The following SNCG variants were observed in gnomAD, a reference collection of about 807,000 sequenced individuals.
SNCG encodes synuclein gamma.
In SNCG, 13 loss-of-function variants were observed where a neutral mutation model predicts 16.0. The observed-to-expected ratio is 0.81, with a 90% CI of 0.53 to 1.29. The LOEUF is 1.29. Ranked by LOEUF, SNCG falls within the 50% of genes most tolerant of loss-of-function variation. SNCG has a pLI of 0.00. For synonymous variants in SNCG, 66 were observed against 66.3 expected, an observed-to-expected ratio of 1.00 and a Z score of 0.02; for missense variants, 154 against 168.5, an observed-to-expected ratio of 0.91 and a Z score of 0.48.
chr10:86,959,810 A>C lies in SNCG; in HGVS notation c.163+136A>C. The C allele has an allele frequency of 8.0e-7, 1 of 1,250,378 alleles. No homozygotes were observed. Among genetic ancestry groups the C allele is most frequent in the Non-Finnish European group, 1.1e-6 (1 of 909,970 alleles). The allele number at this position is 1,250,378 out of a possible 1,614,324, so 77.5% of individuals were successfully genotyped here. A position where few individuals can be genotyped will look rare whatever the true frequency, so the allele number is the denominator to read the frequency against. On this transcript the variant is annotated intron_variant, in intron 2 of 4. Transcript: ENST00000372017. This position sits in a 1 kb window ranked among gnomAD's most constrained non-coding sequence, Gnocchi z 4.3. Reference sequence around the variant, plus strand: ...CAAGCCCTACAGACCCCTGCAGACCATGAGGCTAAACTAGGGTGGGCGTCT... The same window carrying C: ...CAAGCCCTACAGACCCCTGCAGACCCTGAGGCTAAACTAGGGTGGGCGTCT...
At chr10:86,956,438 C>T (rs1485572625), upstream of SNCG, among the ~76,000 whole-genome samples, 1 of 152,204 alleles carries the variant, frequency 6.6e-6, no homozygotes, top group African/African-American at 2.4e-5. Flanking sequence ...AAGTTGGCCC[C>T]CCCCTCACTC....
Position 86,960,171 on chromosome 10 carries a change from C to A in SNCG, c.291+43C>A, listed in dbSNP as rs372366456. 5.5e-5 allele frequency: 87 copies of A among 1,573,776 alleles called. 1 individual carries two copies. Among genetic ancestry groups the A allele is most frequent in the Admixed American group, 1.0e-4 (6 of 58,252 alleles). On this transcript the variant is annotated intron_variant, in intron 3 of 4. Coordinates refer to ENST00000372017, the MANE Select transcript of SNCG (RefSeq NM_003087.3). ...GACCTGCCCAGTCCTCTCCTGGGCC[C>A]AGAAAGGCTGCTGGGCGGAGGCGGC...
In SNCG at chr10:86,959,351, G is replaced by T; in HGVS notation, c.122-282G>T. On this transcript the variant is annotated intron_variant, in intron 1 of 4. Transcript: ENST00000372017. This position sits in a 1 kb window ranked among gnomAD's most constrained non-coding sequence, Gnocchi z 4.3. ...ATCCTGTCCTGTTGCTGCTTCTGAG[G>T]CCCGGCCACACCCGGGCAGGGGCTG... 1.8e-6 allele frequency: 1 copy of T among 558,596 alleles called. No individual in the cohort carries two copies. 34.6% of individuals were successfully genotyped at this position (558,596 alleles called of 1,614,324 possible).
intron 3 of SNCG, among the ~76,000 whole-genome samples, chr10:86,962,103 A>T (rs941414292): frequency 1.3e-5 from 2 of 152,196 alleles, no homozygotes; most frequent in African/African-American, 4.8e-5. Context: ...TGTGGACTGA[A>T]GTGGGCCTGA....
intron 1 of SNCG, 68 bp downstream of exon 1, chr10:86,958,886 GACC>G: frequency 6.6e-7 from 1 of 1,513,466 alleles, no homozygotes; most frequent in Non-Finnish European, 9.0e-7. Flanking sequence ...ACCTTCGCCA[GACC>G]TTACTCCCCA....
intron 3 of SNCG, 108 bp from the exon 4 acceptor site, chr10:86,962,496 G>GGGTACAACAA (rs1844371026): frequency 1.4e-6 from 1 of 711,564 alleles, no homozygotes; most frequent in Non-Finnish European, 2.4e-6. Context: ...AGGCCACGAG[G>GGGTACAACAA]GGCCTCTGCT....
Position 86,959,600 on chromosome 10 carries a change from A to G in SNCG, c.122-33A>G, listed in dbSNP as rs2133694692. 6.2e-7 allele frequency: 1 copy of G among 1,608,650 alleles called. No homozygotes were observed. The highest frequency in any genetic ancestry group is 8.5e-7 in the Non-Finnish European group (1 of 1,175,942). On this transcript the variant is annotated intron_variant, in intron 1 of 4. Transcript: ENST00000372017. The surrounding 1 kb of genome is among the most constrained non-coding windows in gnomAD (Gnocchi z 4.3). ...CTGACCGCCCCCAACACCTCGAGGG[A>G]GGTCTGGGCTGACAGCTCCATTTCC...
Position 86,958,770 on chromosome 10 carries a change from G to A in SNCG, c.73G>A (p.Gly25Arg), listed in dbSNP as rs1265018278. 6.2e-7 allele frequency: 1 copy of A among 1,613,616 alleles called. No individual in the cohort carries two copies. The highest frequency in any genetic ancestry group is 1.7e-5 in the Admixed American group (1 of 59,972). ...VVGAVEKTKQGVTEAAEKTKE... is the reference protein window; with the variant it reads ...VVGAVEKTKQRVTEAAEKTKE... ...GGGTGCGGTGGAAAAGACCAAGCAG[G>A]GGGTGACGGAAGCAGCTGAGAAGAC... Residue 25 changes from glycine (G) to arginine (R), a missense_variant, in exon 1 of 5, where the codon GGG (glycine) becomes AGG (arginine). Transcript: ENST00000372017.
chr10:86,960,802 G>T (rs191100782), intron 3 of SNCG, among the ~76,000 whole-genome samples: 6 of 152,318 alleles, frequency 3.9e-5, no homozygotes, highest in African/African-American at 1.2e-4. Flanking sequence ...GTGTTGGCTG[G>T]GTGAGCTGTC....
upstream of SNCG, chr10:86,958,492 C>A (rs1252555162): frequency 2.3e-5 from 30 of 1,276,728 alleles, no homozygotes; most frequent in Admixed American, 3.3e-5. Context: ...GAGGCTGAAC[C>A]TCCTTCCCTC....
At position 86,959,602 on chromosome 10, in the gene SNCG, G is replaced by A. The variant is rs1844304247; in HGVS notation, c.122-31G>A. 1.2e-6 allele frequency: 2 copies of A among 1,612,150 alleles called. No individual in the cohort carries two copies. The highest frequency in any genetic ancestry group is 1.1e-5 in the South Asian group (1 of 91,010). ...GACCGCCCCCAACACCTCGAGGGAG[G>A]TCTGGGCTGACAGCTCCATTTCCTC... On this transcript the variant is annotated intron_variant, in intron 1 of 4. Transcript: ENST00000372017. This position sits in a 1 kb window ranked among gnomAD's most constrained non-coding sequence, Gnocchi z 4.3.
Position 86,959,498 on chromosome 10 carries a change from G to T in SNCG, c.122-135G>T. On this transcript the variant is annotated intron_variant, in intron 1 of 4. Transcript: ENST00000372017. The surrounding 1 kb of genome is among the most constrained non-coding windows in gnomAD (Gnocchi z 4.3). ...CACAGCAGGAAGAGGCCCTCTGAAGGGGCCGCCGGCCCCCAGACACCATCC... is the reference window on the plus strand; with the variant it reads ...CACAGCAGGAAGAGGCCCTCTGAAGTGGCCGCCGGCCCCCAGACACCATCC... The T allele has an allele frequency of 1.4e-6, 1 of 727,030 alleles. No homozygotes were observed. The highest frequency in any genetic ancestry group is 1.6e-5 in the South Asian group (1 of 63,404). 45.0% of individuals were successfully genotyped at this position (727,030 alleles called of 1,614,324 possible).
chr10:86,957,316 T>A, upstream of SNCG: 1 of 1,566,006 alleles, frequency 6.4e-7, no homozygotes, highest in Non-Finnish European at 8.8e-7. Flanking sequence ...GAGGCTCTGC[T>A]CTAGCTGAGC....
At chr10:86,957,490 G>C, upstream of SNCG, 8 of 1,613,120 alleles carry the variant, frequency 5.0e-6, no homozygotes, top group Non-Finnish European at 6.8e-6. Context: ...CATGCCCCCA[G>C]CAGCCCCCAG....
chr10:86,955,864 C>A (rs1167930669), upstream of SNCG, among the ~76,000 whole-genome samples: 3 of 152,224 alleles, frequency 2.0e-5, no homozygotes, highest in African/African-American at 7.2e-5. Flanking sequence ...CAGGTACATG[C>A]ACCCTCCCAC....
chr10:86,956,774 G>A (rs1002553132), upstream of SNCG, among the ~76,000 whole-genome samples: 1 of 152,210 alleles, frequency 6.6e-6, no homozygotes, highest in Non-Finnish European at 1.5e-5. Context: ...AGATGAGGGG[G>A]GACTTACAGG....
Position 86,959,721 on chromosome 10 carries a change from G to A in SNCG, c.163+47G>A, listed in dbSNP as rs1445714576. 1 of 1,537,416 alleles carries A rather than the reference G, an allele frequency of 6.5e-7. No individual in the cohort carries two copies. Among genetic ancestry groups the A allele is most frequent in the Admixed American group, 1.9e-5 (1 of 52,976 alleles). On this transcript the variant is annotated intron_variant, in intron 2 of 4. Transcript: ENST00000372017. The surrounding 1 kb of genome is among the most constrained non-coding windows in gnomAD (Gnocchi z 4.3). The stretch of plus-strand genomic sequence containing the variant: ...GGACACATGGGGGATAGGACCCCTG[G>A]GGCTCCTGCATCCTAGTGCTGGGGC...
rs1673946143 is a variant in SNCG, at chr10:86,960,122, G to A, written c.285G>A (p.Val95=). 6.2e-7 allele frequency: 1 copy of A among 1,611,664 alleles called. No individual in the cohort carries two copies. The highest frequency in any genetic ancestry group is 1.3e-5 in the African/African-American group (1 of 74,854). Residue 95 remains valine, a synonymous_variant, in exon 3 of 5, where the codon GTG becomes GTA. Coordinates refer to ENST00000372017, the MANE Select transcript of SNCG (RefSeq NM_003087.3). ...AENIAVTSGV[V]RKEDLRPSAP... ...ACATCGCGGTCACCTCCGGGGTGGT[G>A]CGCAAGGTGAGCCCCGGCCCTCAGA...
rs1844295415 is a variant in SNCG, at chr10:86,959,279, C to A, written c.122-354C>A. 1 of 441,494 alleles carries A rather than the reference C, an allele frequency of 2.3e-6. No homozygotes were observed. The highest frequency in any genetic ancestry group is 4.0e-6 in the Non-Finnish European group (1 of 247,006). The allele number at this position is 441,494 out of a possible 1,614,324, so 27.3% of individuals were successfully genotyped here. On this transcript the variant is annotated intron_variant, in intron 1 of 4. Coordinates refer to ENST00000372017, the MANE Select transcript of SNCG (RefSeq NM_003087.3). The surrounding 1 kb of genome is among the most constrained non-coding windows in gnomAD (Gnocchi z 4.3). ...CTCCCCCGCATCCTCTCCTGGCACT[C>A]TCCAGAGGAGGAAGGGGAGGTCAAG...
Sources: allele counts gnomAD v4.1 joint callset (sites outside exome capture counted in the v4.1 genomes callset), GRCh38; gene constraint gnomAD v4.1.1; non-coding constraint Gnocchi (gnomAD v3.1); transcripts MANE v1.5; gene names NCBI Gene and HGNC (gene_info 2026-07-23, HGNC 2026-07-21).